The following ZHX3 variants were observed in gnomAD, a reference collection of about 807,000 sequenced individuals.
The protein encoded by ZHX3 is zinc fingers and homeoboxes 3.
ZHX3 carries 20 observed loss-of-function variants against 64.5 expected under a neutral mutation model. The ratio of observed to expected loss-of-function variants is 0.31; its 90% CI spans 0.22 to 0.45. The LOEUF (loss-of-function observed/expected upper bound fraction) is 0.45, where lower values mean the gene tolerates loss of function less well. Ranked by LOEUF, ZHX3 falls within the 20% of genes least tolerant of loss-of-function variation. ZHX3 has a pLI of 1.00. For synonymous variants in ZHX3, 423 were observed against 461.6 expected (o/e 0.92, Z 1.07); for missense variants, 1,041 against 1,195.8 (o/e 0.87, Z 1.91).
At chr20:41,231,744 A>T (rs1727447053) in intron 2 of ZHX3, among the ~76,000 whole-genome samples, 1 of 152,228 alleles carries the variant, frequency 6.6e-6, no homozygotes, top group African/African-American at 2.4e-5. Flanking sequence ...CTAATAAGAG[A>T]TAACATATTC....
In ZHX3 at chr20:41,202,220, A is replaced by C; in HGVS notation, c.2697T>G (p.Ser899Arg). The change falls in exon 3 of 4, where the codon AGT becomes AGG. Residue 899 changes from serine (S) to arginine (R), a missense_variant. Transcript: ENST00000683867. This position sits in a 1 kb window ranked among gnomAD's most constrained non-coding sequence, Gnocchi z 7.0. ...EETRAVADTGSEDQGPGTGEL... is the reference protein window; with the variant it reads ...EETRAVADTGREDQGPGTGEL... ...CACCAGTACCAGGGCCCTGGTCCTC[A>C]CTGCCTGTGTCTGCCACGGCTCTGG... The C allele has an allele frequency of 1.2e-6, 2 of 1,614,018 alleles. No individual in the cohort carries two copies. The highest frequency in any genetic ancestry group is 1.7e-6 in the Non-Finnish European group (2 of 1,179,994).
rs995997603 is a variant in ZHX3, at chr20:41,179,529, A to T, written c.*5662T>A. 1 of 151,906 alleles carries T rather than the reference A, an allele frequency of 6.6e-6. No individual in the cohort carries two copies. The highest frequency in any genetic ancestry group is 2.4e-5 in the African/African-American group (1 of 41,348). The allele number at this position is 151,906 out of a possible 1,614,324, so 9.4% of individuals were successfully genotyped here. A position where few individuals can be genotyped will look rare whatever the true frequency, so the allele number is the denominator to read the frequency against. On this transcript the variant is annotated 3_prime_UTR_variant, in exon 4 of 4. Coordinates refer to ENST00000683867, the MANE Select transcript of ZHX3 (RefSeq NM_001384317.1). This position sits in a 1 kb window ranked among gnomAD's most constrained non-coding sequence, Gnocchi z 4.3. ...CCATGTAGATTTTTCTTTTAAATGT[A>T]TTTCTACTCAGGTTTGATTCTTGGG...
intron 1 of ZHX3, among the ~76,000 whole-genome samples, chr20:41,278,890 A>G (rs1019383525): frequency 1.5e-4 from 22 of 150,486 alleles, no homozygotes; most frequent in Non-Finnish European, 1.5e-4. Context: ...CTCCTGCCTC[A>G]GCCTCCTGAG....
At position 41,218,495 on chromosome 20, in the gene ZHX3, T is replaced by C. The variant is rs141278539; in HGVS notation, c.-150-13429A>G. 3.3e-5 allele frequency among the ~76,000 whole-genome samples: 5 copies of C among 152,298 alleles called. No homozygotes were observed. The East Asian group carries it at 7.7e-4, about 23-fold the overall frequency. ...AATGGTAAAAAGGCTTGACAGTTAT[T>C]ATGATCCTTAGTATTTATAACACTT... On this transcript the variant is annotated intron_variant, in intron 2 of 3. Coordinates refer to ENST00000683867, the MANE Select transcript of ZHX3 (RefSeq NM_001384317.1).
Position 41,191,697 on chromosome 20 carries a change from T to G in ZHX3, c.2861-6496A>C, listed in dbSNP as rs570950837. On this transcript the variant is annotated intron_variant, in intron 3 of 3. Transcript: ENST00000683867. The stretch of plus-strand genomic sequence containing the variant: ...AGACGTATCTATGGTGTTGTTTGGG[T>G]AGGACACTTTGGCTTTGATTCTTGG... Among the ~76,000 whole-genome samples the G allele has an allele frequency of 2.9e-3, 438 of 152,354 alleles. 3 individuals carry two copies. Among genetic ancestry groups the G allele is most frequent in the Non-Finnish European group, 4.7e-3 (318 of 68,014 alleles).
At chr20:41,220,143 G>A (rs1212562653) in intron 2 of ZHX3, among the ~76,000 whole-genome samples, 3 of 152,194 alleles carry the variant, frequency 2.0e-5, no homozygotes, top group Non-Finnish European at 4.4e-5. Flanking sequence ...GTGTTGTAGT[G>A]GAAGCATGCA....
At chr20:41,222,242 G>C (rs982273094) in intron 2 of ZHX3, among the ~76,000 whole-genome samples, 2 of 152,178 alleles carry the variant, frequency 1.3e-5, no homozygotes, top group Non-Finnish European at 2.9e-5. Flanking sequence ...TAAAGGAATG[G>C]ATAGGAGGAT....
At position 41,202,311 on chromosome 20, in the gene ZHX3, C is replaced by T; in HGVS notation, c.2606G>A (p.Cys869Tyr). The change falls in exon 3 of 4, where the codon TGT becomes TAT. Residue 869 changes from cysteine (C) to tyrosine (Y), a missense_variant. This residue lies in a region of ZHX3 where 649 missense variants were observed against 739.8 expected (regional missense o/e 0.88). Coordinates refer to ENST00000683867, the MANE Select transcript of ZHX3 (RefSeq NM_001384317.1). The surrounding 1 kb of genome is among the most constrained non-coding windows in gnomAD (Gnocchi z 7.0). The stretch of plus-strand genomic sequence containing the variant: ...CTGGGAGCTCATCTGGGTCTTGTCA[C>T]AGAGGTTCTGCAGGTCCTCTTCATA... ...MLYEEDLQNL[C>Y]DKTQMSSQQV... 6.2e-7 allele frequency: 1 copy of T among 1,614,208 alleles called. No homozygotes were observed. The highest frequency in any genetic ancestry group is 8.5e-7 in the Non-Finnish European group (1 of 1,180,030).
chr20:41,293,525 G>C (rs1366627887), intron 1 of ZHX3, among the ~76,000 whole-genome samples: 2 of 151,828 alleles, frequency 1.3e-5, no homozygotes, highest in Non-Finnish European at 2.9e-5. Flanking sequence ...TCACGTAAAA[G>C]AATATAAACA....
At chr20:41,310,583 G>A in intron 1 of ZHX3, among the ~76,000 whole-genome samples, 1 of 152,046 alleles carries the variant, frequency 6.6e-6, no homozygotes, top group African/African-American at 2.4e-5. Context: ...GTATGCTGGT[G>A]AATATCTTTC....
chr20:41,281,614 T>A (rs1470633263), intron 1 of ZHX3, among the ~76,000 whole-genome samples: 1 of 152,168 alleles, frequency 6.6e-6, no homozygotes, highest in Non-Finnish European at 1.5e-5. Flanking sequence ...CCATAGATGG[T>A]AATTAAATTT....
At chr20:41,205,195 C>G in intron 2 of ZHX3, 129 bp from the exon 3 acceptor site, 1 of 339,902 alleles carries the variant, frequency 2.9e-6, no homozygotes, top group Middle Eastern at 8.7e-4. Context: ...TAATCAGCAA[C>G]TTGGATATGA....
At chr20:41,186,307 C>T (rs368691080) in intron 3 of ZHX3, among the ~76,000 whole-genome samples, 1 of 152,168 alleles carries the variant, frequency 6.6e-6, no homozygotes, top group Admixed American at 6.5e-5. Flanking sequence ...TTTCAAGGTC[C>T]ATCCATGTTG....
At chr20:41,191,726 G>A (rs1024389490) in intron 3 of ZHX3, among the ~76,000 whole-genome samples, 1 of 152,212 alleles carries the variant, frequency 6.6e-6, no homozygotes, top group African/African-American at 2.4e-5. Flanking sequence ...TTCTTGGTAT[G>A]TGCAGTAGTG....
intron 1 of ZHX3, among the ~76,000 whole-genome samples, chr20:41,312,325 A>T (rs576125509): frequency 6.6e-6 from 1 of 152,284 alleles, no homozygotes; most frequent in South Asian, 2.1e-4. Context: ...TAAGGGAATA[A>T]AAGCTAGCCA....
Position 41,201,485 on chromosome 20 carries a change from C to G in ZHX3, c.2860+572G>C, listed in dbSNP as rs1350636502. 1.3e-6 allele frequency: 1 copy of G among 782,716 alleles called. No individual in the cohort carries two copies. The allele number at this position is 782,716 out of a possible 1,614,324, so 48.5% of individuals were successfully genotyped here. The stretch of plus-strand genomic sequence containing the variant: ...GATACATTTTGCTTTCGAGTACAAT[C>G]CAGAGAAACTGAGGAACAAAATTCA... On this transcript the variant is annotated intron_variant, in intron 3 of 3. Coordinates refer to ENST00000683867, the MANE Select transcript of ZHX3 (RefSeq NM_001384317.1). The surrounding 1 kb of genome is among the most constrained non-coding windows in gnomAD (Gnocchi z 5.0).
chr20:41,282,957 G>A (rs1380446146), intron 1 of ZHX3, among the ~76,000 whole-genome samples: 1 of 152,048 alleles, frequency 6.6e-6, no homozygotes, highest in Non-Finnish European at 1.5e-5. Flanking sequence ...CGCCCAGGCT[G>A]GAGTGCAGTG....
chr20:41,228,508 G>A lies in ZHX3; in HGVS notation c.-150-23442C>T, dbSNP rs2040408008. Among the ~76,000 whole-genome samples, 1 of 152,174 alleles carries A rather than the reference G, an allele frequency of 6.6e-6. No homozygotes were observed. Among genetic ancestry groups the A allele is most frequent in the Non-Finnish European group, 1.5e-5 (1 of 68,026 alleles). On this transcript the variant is annotated intron_variant, in intron 2 of 3. Transcript: ENST00000683867. The surrounding 1 kb of genome is among the most constrained non-coding windows in gnomAD (Gnocchi z 4.6). ...TGAGGCCAGGAAGTCCAAGATGAAGGTGCTGGCATATTCAGTGTCTGGTGA... is the reference window on the plus strand; with the variant it reads ...TGAGGCCAGGAAGTCCAAGATGAAGATGCTGGCATATTCAGTGTCTGGTGA...
intron 1 of ZHX3, among the ~76,000 whole-genome samples, chr20:41,313,843 G>A (rs967509447): frequency 1.3e-5 from 2 of 152,082 alleles, no homozygotes; most frequent in Non-Finnish European, 2.9e-5. Flanking sequence ...TGATCTGCCC[G>A]CCTTGGCCTC....
Sources: gnomAD v4.1 joint callset for allele counts (sites outside exome capture counted in the v4.1 genomes callset) on GRCh38, gnomAD v4.1.1 for gene constraint, gnomAD v4.1.1 regional missense constraint, Gnocchi (gnomAD v3.1) non-coding constraint, MANE v1.5 for transcripts, NCBI Gene and HGNC (gene_info 2026-07-23, HGNC 2026-07-21) for gene names.